BAIAP2: variants seen among roughly 807,000 people sequenced by gnomAD.
BAIAP2 encodes BAR/IMD domain containing adaptor protein 2.
Under a neutral mutation model 63.0 loss-of-function variants are expected in BAIAP2, and 18 were observed. The ratio of observed to expected loss-of-function variants is 0.29; its 90% CI spans 0.20 to 0.42. The LOEUF is 0.42. BAIAP2 is among the 10% of genes least tolerant of loss of function. BAIAP2 has a pLI of 1.00. For missense variants in BAIAP2, 610 were observed against 734.3 expected (o/e 0.83, Z 1.96); for synonymous variants, 386 against 307.6 (o/e 1.25, Z -2.67).
At chr17:81,061,606 G>GT (rs1427190515) in intron 3 of BAIAP2, among the ~76,000 whole-genome samples, 1 of 152,194 alleles carries the variant, frequency 6.6e-6, no homozygotes, top group Non-Finnish European at 1.5e-5. Context: ...TCAGGAATTT[G>GT]TTGCATTTCG....
intron 4 of BAIAP2, 169 bp from the exon 5 acceptor site, chr17:81,085,485 G>C (rs1178920933): frequency 3.5e-5 from 25 of 704,596 alleles, no homozygotes; most frequent in Non-Finnish European, 1.3e-5. Context: ...GCTCCAGAGG[G>C]TGCACACGGG....
intron 3 of BAIAP2, among the ~76,000 whole-genome samples, chr17:81,069,699 C>CT (rs1172007071): frequency 2.0e-5 from 3 of 152,192 alleles, no homozygotes; most frequent in African/African-American, 7.2e-5. Context: ...TCGGGGGACT[C>CT]TCCCCCGCCA....
At chr17:81,109,436 A>G in intron 13 of BAIAP2, 1 of 992,922 alleles carries the variant, frequency 1.0e-6, no homozygotes, top group Non-Finnish European at 1.2e-6. Flanking sequence ...TTTTTTCCTG[A>G]AAAACAAAAA....
chr17:81,108,615 GC>G, intron 13 of BAIAP2, 106 bp downstream of exon 13: 3 of 1,406,974 alleles, frequency 2.1e-6, no homozygotes, highest in Non-Finnish European at 2.0e-6. Context: ...TTCCTTTAGG[GC>G]CCAGCCTGGC....
rs949563763 is a variant in BAIAP2, at chr17:81,053,802, G to A, written c.130+59G>A. 8.8e-6 allele frequency: 14 copies of A among 1,592,942 alleles called. No homozygotes were observed. The African/African-American group carries it at 1.4e-4, about 15-fold the overall frequency. The stretch of plus-strand genomic sequence containing the variant: ...CTGCCTCCTGAGCTGGTAGAACTGC[G>A]CCCGGGCCCCGTGGGGTGGGAGCTG... On this transcript the variant is annotated intron_variant, in intron 2 of 13. Transcript: ENST00000428708.
intron 1 of BAIAP2, chr17:81,036,151 C>T (rs1424053306): frequency 6.6e-6 from 1 of 152,190 alleles, no homozygotes; most frequent in Non-Finnish European, 1.5e-5. Flanking sequence ...CAAACAGGCC[C>T]TTGGTTTTCT....
rs1464335493 is a variant in BAIAP2 at position 81,035,219 on chromosome 17, C to G, written c.-36C>G. 5 of 1,467,602 alleles carry G rather than the reference C, an allele frequency of 3.4e-6. No homozygotes were observed. The highest frequency in any genetic ancestry group is 4.5e-6 in the Non-Finnish European group (5 of 1,100,898). The allele number at this position is 1,467,602 out of a possible 1,614,324, so 90.9% of individuals were successfully genotyped here. A position where few individuals can be genotyped will look rare whatever the true frequency, so the allele number is the denominator to read the frequency against. The stretch of plus-strand genomic sequence containing the variant: ...CCGCTGCTGCCGCCGCTTGCGTCCC[C>G]CGCTCCGGTCTGTGGTGCAGCCGGG... On this transcript the variant is annotated 5_prime_UTR_variant, in exon 1 of 14. Transcript: ENST00000428708.
In BAIAP2 at chr17:81,035,281, G is replaced by A; in HGVS notation, c.27G>A (p.Met9Ile). 2 of 1,517,214 alleles carry A rather than the reference G, an allele frequency of 1.3e-6. No homozygotes were observed. Among genetic ancestry groups the A allele is most frequent in the Non-Finnish European group, 1.8e-6 (2 of 1,128,870 alleles). The allele number at this position is 1,517,214 out of a possible 1,614,324, so 94.0% of individuals were successfully genotyped here. A position where few individuals can be genotyped will look rare whatever the true frequency, so the allele number is the denominator to read the frequency against. MSLSRSEE[M>I]HRLTENVYKT... ...TGTCTCTGTCTCGCTCAGAGGAGAT[G>A]CACCGGCTCACGGAAAATGTCTATA... Residue 9 changes from methionine to isoleucine, a missense_variant, in exon 1 of 14, where the codon ATG becomes ATA. By Grantham distance (10) the Met-to-Ile change is conservative. Around this residue, in one of 5 missense-constraint regions of BAIAP2, gnomAD observed 389 missense variants for 455.6 expected, o/e 0.85. Transcript: ENST00000428708.
chr17:81,055,782 G>A (rs1354636548), intron 2 of BAIAP2, among the ~76,000 whole-genome samples: 1 of 151,738 alleles, frequency 6.6e-6, no homozygotes, highest in Non-Finnish European at 1.5e-5. Flanking sequence ...AGCCAGGATG[G>A]TCTCGATCTC....
At chr17:81,062,255 A>G (rs2050684204) in intron 3 of BAIAP2, among the ~76,000 whole-genome samples, 2 of 152,064 alleles carry the variant, frequency 1.3e-5, no homozygotes. Flanking sequence ...CCAGATCTGT[A>G]ATAGTGTTTT....
At chr17:81,081,801 TGCA>T (rs1379068358) in intron 3 of BAIAP2, among the ~76,000 whole-genome samples, 1 of 152,128 alleles carries the variant, frequency 6.6e-6, no homozygotes, top group African/African-American at 2.4e-5. Flanking sequence ...ACCGCAGTGG[TGCA>T]GCTCCCTCCT....
At chr17:81,057,670 C>T (rs2049821598) in intron 2 of BAIAP2, 1 of 1,365,420 alleles carries the variant, frequency 7.3e-7, no homozygotes, top group Non-Finnish European at 9.4e-7. Context: ...TCTTACGAGT[C>T]AAGGGAGCTC....
rs1418704926 is a variant in BAIAP2, at chr17:81,081,224, G to C, written c.218-3608G>C. On this transcript the variant is annotated intron_variant, in intron 3 of 13. Coordinates refer to ENST00000428708, the MANE Select transcript of BAIAP2 (RefSeq NM_001144888.2). ...GAGGCTTCCTGAGCCCAGAGGTCGT[G>C]GTGTCCATCCTGGGAATTTATAGGA... Among the ~76,000 whole-genome samples the C allele has an allele frequency of 2.6e-5, 4 of 152,314 alleles. No individual in the cohort carries two copies. In the Middle Eastern group the frequency reaches 0.01, roughly 389 times the overall value.
Position 81,046,752 on chromosome 17 carries a change from C to T in BAIAP2, c.55-6916C>T, listed in dbSNP as rs527981257. The stretch of plus-strand genomic sequence containing the variant: ...TCCCTAGTCCATGCTGTACATGTGG[C>T]CGGGGGTTTCCAGGCTTGGCTCTGT... On this transcript the variant is annotated intron_variant, in intron 1 of 13. Coordinates refer to ENST00000428708, the MANE Select transcript of BAIAP2 (RefSeq NM_001144888.2). The surrounding 1 kb of genome is among the most constrained non-coding windows in gnomAD (Gnocchi z 4.5). Among the ~76,000 whole-genome samples the T allele has an allele frequency of 1.2e-4, 19 of 152,294 alleles. No individual in the cohort carries two copies. In the South Asian group the frequency reaches 3.7e-3, roughly 30 times the overall value.
At chr17:81,049,453 A>C (rs1360118574) in intron 1 of BAIAP2, among the ~76,000 whole-genome samples, 1 of 152,054 alleles carries the variant, frequency 6.6e-6, no homozygotes, top group East Asian at 1.9e-4. Context: ...CTCCTGGCCT[A>C]GGTTTTTCTG....
chr17:81,066,857 C>T (rs745407014), intron 3 of BAIAP2, among the ~76,000 whole-genome samples: 2 of 152,216 alleles, frequency 1.3e-5, no homozygotes, highest in Non-Finnish European at 2.9e-5. Flanking sequence ...AGGTGGAGGC[C>T]GCAGCCTCCC....
At chr17:81,098,332 T>A in intron 6 of BAIAP2, 3 of 544,560 alleles carry the variant, frequency 5.5e-6, no homozygotes, top group African/African-American at 4.3e-5. Context: ...ACTCCCCCTC[T>A]CCAGTTTCCT....
chr17:81,075,936 A>AT (rs56219227), intron 3 of BAIAP2, among the ~76,000 whole-genome samples: 58,534 of 145,368 alleles, frequency 0.4, 11,720 homozygotes, highest in Non-Finnish European at 0.45. Context: ...TCTGCTGGGA[A>AT]TTTTTTTTTT....
intron 6 of BAIAP2, among the ~76,000 whole-genome samples, chr17:81,089,976 G>A (rs565722858): frequency 1.3e-5 from 2 of 152,268 alleles, no homozygotes; most frequent in Non-Finnish European, 2.9e-5. Context: ...GAGATGTGTG[G>A]TGCTGGTCTT....
Sources: allele counts gnomAD v4.1 joint callset (sites outside exome capture counted in the v4.1 genomes callset), GRCh38; gene constraint gnomAD v4.1.1; regional missense constraint gnomAD v4.1.1; non-coding constraint Gnocchi (gnomAD v3.1); transcripts MANE v1.5; gene names NCBI Gene and HGNC (gene_info 2026-07-23, HGNC 2026-07-21).